Variants in SCN7A observed in about 807,000 individuals in gnomAD.
SCN7A encodes sodium channel protein type 7 subunit alpha.
A neutral mutation model predicts 155.2 loss-of-function variants in SCN7A; 138 were observed. That is an observed-to-expected ratio of 0.89 (90% CI 0.77 to 1.02). The LOEUF (loss-of-function observed/expected upper bound fraction) is 1.02, where lower values mean the gene tolerates loss of function less well. Among genes scored for constraint, SCN7A ranks in the 50% least tolerant of loss-of-function variants. The pLI is 0.00. For synonymous variants in SCN7A, 693 were observed against 649.0 expected (o/e 1.07, Z -1.03); for missense variants, 2,058 against 1,986.6 (o/e 1.04, Z -0.68).
At chr2:166,451,132 A>C (rs1702168842) in intron 11 of SCN7A, among the ~76,000 whole-genome samples, 1 of 152,210 alleles carries the variant, frequency 6.6e-6, no homozygotes, top group African/African-American at 2.4e-5. Context: ...AATTCAGTAA[A>C]GATAACTGTC....
At chr2:166,480,786 G>A (rs1430829417) in intron 2 of SCN7A, among the ~76,000 whole-genome samples, 2 of 152,216 alleles carry the variant, frequency 1.3e-5, no homozygotes, top group South Asian at 2.1e-4. Context: ...TAACTTCTTC[G>A]AAGAAAAAAT....
intron 18 of SCN7A, 138 bp downstream of exon 18, chr2:166,427,650 A>G: frequency 3.5e-6 from 2 of 572,866 alleles, no homozygotes; most frequent in Non-Finnish European, 5.6e-6. Flanking sequence ...TTTAAATCAC[A>G]GATTATGAAA....
intron 3 of SCN7A, 99 bp from the exon 4 acceptor site, chr2:166,474,443 C>T (rs944124762): frequency 2.4e-6 from 1 of 410,920 alleles, no homozygotes; most frequent in Non-Finnish European, 4.3e-6. Context: ...TAGTCTTGGA[C>T]TCTAAAAGCC....
chr2:166,417,093 C>A (rs7561953), intron 20 of SCN7A, 108 bp from the exon 21 acceptor site: 219,713 of 831,268 alleles, frequency 0.26, 29,513 homozygotes, highest in African/African-American at 0.36. Flanking sequence ...TAAAAAAAAA[C>A]CTTAAAAGGC....
At chr2:166,491,868 T>A (rs967887668) in intron 1 of SCN7A, among the ~76,000 whole-genome samples, 1 of 151,952 alleles carries the variant, frequency 6.6e-6, no homozygotes, top group African/African-American at 2.4e-5. Flanking sequence ...ACCCAATGCC[T>A]CCACCATAAG....
intron 20 of SCN7A, 57 bp from the exon 21 acceptor site, chr2:166,417,042 T>C (rs1701394124): frequency 1.5e-6 from 2 of 1,331,572 alleles, no homozygotes; most frequent in East Asian, 2.5e-5. Flanking sequence ...GTTTTAGTTT[T>C]TGATCAGTTT....
chr2:166,463,641 C>T (rs1702461043), intron 9 of SCN7A, among the ~76,000 whole-genome samples: 1 of 152,016 alleles, frequency 6.6e-6, no homozygotes, highest in Admixed American at 6.6e-5. Flanking sequence ...CATATTTGAG[C>T]TTGGAATGTA....
chr2:166,404,448 A>G lies in SCN7A; in HGVS notation c.*1132T>C, dbSNP rs1430969513. ...TATAAGGGAAAACTAACTTGTACATACTGTTATAAAACAACAACAAATTTA... is the reference window on the plus strand; with the variant it reads ...TATAAGGGAAAACTAACTTGTACATGCTGTTATAAAACAACAACAAATTTA... On this transcript the variant is annotated 3_prime_UTR_variant, in exon 26 of 26. Transcript: ENST00000643258. 6.6e-6 allele frequency: 1 copy of G among 151,972 alleles called. No homozygotes were observed. The highest frequency in any genetic ancestry group is 6.6e-5 in the Admixed American group (1 of 15,222). 9.4% of individuals were successfully genotyped at this position (151,972 alleles called of 1,614,324 possible).
chr2:166,419,620 G>T (rs1701469333), intron 20 of SCN7A, among the ~76,000 whole-genome samples: 1 of 152,130 alleles, frequency 6.6e-6, no homozygotes, highest in Middle Eastern at 3.4e-3. Flanking sequence ...GCTGGCCTCG[G>T]TCTCCCAAAT....
intron 21 of SCN7A, chr2:166,414,622 A>G (rs979288140): frequency 1.4e-5 from 2 of 144,196 alleles, no homozygotes; most frequent in Admixed American, 1.5e-4. Flanking sequence ...GGTCTGGGCT[A>G]TAATATCAGT....
intron 20 of SCN7A, among the ~76,000 whole-genome samples, chr2:166,418,434 T>G (rs943406117): frequency 6.6e-6 from 1 of 151,386 alleles, no homozygotes; most frequent in Non-Finnish European, 1.5e-5. Flanking sequence ...GCCTGGCCTC[T>G]CTTAATTTTA....
In SCN7A at chr2:166,406,166, A is replaced by G. The variant is rs773882734; in HGVS notation, c.4463T>C (p.Val1488Ala). 2.5e-6 allele frequency: 4 copies of G among 1,612,396 alleles called. No individual in the cohort carries two copies. Among genetic ancestry groups the G allele is most frequent in the Non-Finnish European group, 3.4e-6 (4 of 1,179,048 alleles). Reference protein sequence around the residue: ...SYILISWLIIVNMYIVVVMEF... With the variant: ...SYILISWLIIANMYIVVVMEF... ...CATGACAACAACAATGTACATATTT[A>G]CAATGATCAGCCATGATATGAGGAT... The change falls in exon 26 of 26, where the codon GTA becomes GCA. Residue 1488 changes from valine (V) to alanine (A), a missense_variant. Transcript: ENST00000643258.
intron 2 of SCN7A, among the ~76,000 whole-genome samples, chr2:166,482,023 G>A (rs993425465): frequency 9.9e-5 from 15 of 152,072 alleles, no homozygotes; most frequent in African/African-American, 3.6e-4. Flanking sequence ...TCCTTTACAG[G>A]CAGTGGGATG....
intron 15 of SCN7A, among the ~76,000 whole-genome samples, chr2:166,440,406 A>ATAGGTCTG (rs1197652170): frequency 6.6e-6 from 1 of 152,136 alleles, no homozygotes; most frequent in East Asian, 1.9e-4. Flanking sequence ...TTACGCTTGC[A>ATAGGTCTG]TAGGTCTGGG....
intron 15 of SCN7A, chr2:166,441,153 T>C: frequency 2.3e-6 from 1 of 438,558 alleles, no homozygotes; most frequent in Non-Finnish European, 4.0e-6. Context: ...ATAAAAATTA[T>C]TAATGAAATA....
Position 166,441,650 on chromosome 2 carries a change from A to G in SCN7A, c.1903T>C (p.Phe635Leu). Residue 635 changes from phenylalanine to leucine, a missense_variant, in exon 15 of 26, where the codon TTC (phenylalanine) becomes CTC (leucine). Physicochemically the swap from Phe to Leu is conservative, Grantham distance 22 (BLOSUM62 0). Transcript: ENST00000643258. ...GCAGCAGAAAAGAAGATGAATGTGA[A>G]CAACAACAGGACCAAGTCTTTCAGG... The part of the protein sequence containing the change: ...VALKDLVLLL[F>L]TFIFFSAAFG... The G allele has an allele frequency of 6.2e-7, 1 of 1,613,900 alleles. No homozygotes were observed. The highest frequency in any genetic ancestry group is 8.5e-7 in the Non-Finnish European group (1 of 1,179,792).
chr2:166,409,831 A>T lies in SCN7A; in HGVS notation c.3816T>A (p.Thr1272=). 4 of 1,572,708 alleles carry T rather than the reference A, an allele frequency of 2.5e-6. No homozygotes were observed. The highest frequency in any genetic ancestry group is 3.5e-6 in the Non-Finnish European group (4 of 1,156,662). Residue 1272 remains threonine (T), a synonymous_variant, in exon 25 of 26, where the codon ACT becomes ACA. Transcript: ENST00000643258. Reference sequence around the variant, plus strand: ...TGGACATTTGTAGACTCTGAACATCAGTGTCTATCATCATGGCTATTGCTT... The same window carrying T: ...TGGACATTTGTAGACTCTGAACATCTGTGTCTATCATCATGGCTATTGCTT... ...CFQAIAMMID[T]DVQSLQMSIA...
chr2:166,427,903 G>A lies in SCN7A; in HGVS notation c.2738C>T (p.Ala913Val). Residue 913 changes from alanine (A) to valine (V), a missense_variant, in exon 18 of 26, where the codon GCA becomes GTA. Transcript: ENST00000643258. ...CTGCCAGATTTTTCCTTTCTTGGAT[G>A]CTCCACTGATTTGACCAAGTGAAGA... The part of the protein sequence containing the change: ...RGSSLGQISG[A>V]SKKGKIWQNI... 6.2e-7 allele frequency: 1 copy of A among 1,612,814 alleles called. No individual in the cohort carries two copies.
chr2:166,422,734 A>G (rs149794374), intron 19 of SCN7A, among the ~76,000 whole-genome samples: 1 of 152,296 alleles, frequency 6.6e-6, no homozygotes, highest in East Asian at 1.9e-4. Flanking sequence ...GTTTAACATA[A>G]GGTTTCAAGA....
Sources: gnomAD v4.1 joint callset for allele counts (sites outside exome capture counted in the v4.1 genomes callset) on GRCh38, gnomAD v4.1.1 for gene constraint, MANE v1.5 for transcripts, NCBI Gene and HGNC (gene_info 2026-07-23, HGNC 2026-07-21) for gene names.